The following EXOC4 variants were observed in gnomAD, a reference collection of about 807,000 sequenced individuals.
EXOC4 encodes exocyst complex component 4.
A neutral mutation model predicts 107.2 loss-of-function variants in EXOC4; 71 were observed. The observed-to-expected ratio is 0.66, with a 90% CI of 0.55 to 0.81. The LOEUF (loss-of-function observed/expected upper bound fraction) is 0.81. Ranked by LOEUF, EXOC4 falls within the 30% of genes least tolerant of loss-of-function variation. The pLI is 0.00. For missense variants in EXOC4, 1,108 were observed against 1,189.6 expected (o/e 0.93, Z 1.01); for synonymous variants, 456 against 441.2 (o/e 1.03, Z -0.42).
intron 10 of EXOC4, among the ~76,000 whole-genome samples, chr7:133,650,928 G>C (rs533934920): frequency 9.8e-4 from 116 of 118,540 alleles, no homozygotes; most frequent in African/African-American, 3.5e-3. Context: ...TACATACTGA[G>C]ATTGGTCAGT....
chr7:133,384,823 T>G (rs1796693060), intron 7 of EXOC4, among the ~76,000 whole-genome samples: 1 of 152,040 alleles, frequency 6.6e-6, no homozygotes, highest in Admixed American at 6.6e-5. Context: ...TTTTTTTTTT[T>G]TCTGTATGCC....
intron 10 of EXOC4, among the ~76,000 whole-genome samples, chr7:133,670,300 G>C (rs1046441131): frequency 6.6e-6 from 1 of 152,200 alleles, no homozygotes; most frequent in Non-Finnish European, 1.5e-5. Flanking sequence ...TTCCTCACTT[G>C]TACGATGGAG....
At chr7:133,337,982 C>T (rs1170287684) in intron 5 of EXOC4, among the ~76,000 whole-genome samples, 2 of 149,194 alleles carry the variant, frequency 1.3e-5, no homozygotes, top group Non-Finnish European at 3.0e-5. Context: ...AAGTAGCTAG[C>T]AGTTTGTCTA....
rs140695312 is a variant in EXOC4 at position 134,014,831 on chromosome 7, A to T, written c.2687+6996A>T. On this transcript the variant is annotated intron_variant, in intron 17 of 17. Coordinates refer to ENST00000253861, the MANE Select transcript of EXOC4 (RefSeq NM_021807.4). Reference sequence around the variant, plus strand: ...AGAGGTTGAGTTTTAAGACTTGAAAAATTAAATCATTCATCATAGGAAATG... The same window carrying T: ...AGAGGTTGAGTTTTAAGACTTGAAATATTAAATCATTCATCATAGGAAATG... 4.0e-3 allele frequency among the ~76,000 whole-genome samples: 605 copies of T among 152,310 alleles called. 5 individuals are homozygous for T. Among genetic ancestry groups the T allele is most frequent in the African/African-American group, 0.014 (573 of 41,576 alleles).
intron 6 of EXOC4, among the ~76,000 whole-genome samples, chr7:133,361,519 A>T (rs893664037): frequency 6.6e-6 from 1 of 152,126 alleles, no homozygotes; most frequent in Non-Finnish European, 1.5e-5. Context: ...TGACCTTGTG[A>T]TCTGCCTGCC....
At chr7:133,836,094 G>T (rs951050650) in intron 11 of EXOC4, among the ~76,000 whole-genome samples, 5 of 152,136 alleles carry the variant, frequency 3.3e-5, no homozygotes, top group Non-Finnish European at 7.3e-5. Flanking sequence ...TTACTTACAT[G>T]ATGGAAATAT....
At chr7:133,939,750 G>T (rs1375198941) in intron 14 of EXOC4, among the ~76,000 whole-genome samples, 1 of 152,124 alleles carries the variant, frequency 6.6e-6, no homozygotes, top group African/African-American at 2.4e-5. Context: ...ACCAATTAAG[G>T]ATAGTTTGGG....
At chr7:133,464,811 G>GTTTGTTT (rs1798683363) in intron 7 of EXOC4, among the ~76,000 whole-genome samples, 1 of 51,298 alleles carries the variant, frequency 1.9e-5, no homozygotes, top group Non-Finnish European at 3.3e-5. Context: ...GGTTGGGTTG[G>GTTTGTTT]TTTTTTTTTT....
At position 133,317,389 on chromosome 7, in the gene EXOC4, TG is replaced by T; in HGVS notation, c.763+1del. 6.3e-7 allele frequency: 1 copy of T among 1,581,666 alleles called. No individual in the cohort carries two copies. The highest frequency in any genetic ancestry group is 8.7e-7 in the Non-Finnish European group (1 of 1,150,636). On this transcript the variant is annotated frameshift_variant and splice_region_variant, in exon 5 of 18. Coordinates refer to ENST00000253861, the MANE Select transcript of EXOC4 (RefSeq NM_021807.4). LOFTEE classifies it high-confidence loss of function. ...SHYSTAGSSS[V>X]REINLQDIKE... is the part of the protein sequence containing the mutation. ...ACTATTCTACTGCTGGAAGCTCAAG[TG>T]GTAAGTATTTAATTCTTCAGCCACT...
intron 1 of EXOC4, among the ~76,000 whole-genome samples, chr7:133,258,321 G>C (rs1212428045): frequency 2.0e-5 from 3 of 152,090 alleles, no homozygotes; most frequent in Non-Finnish European, 4.4e-5. Context: ...TTTGAGGCCT[G>C]TAGTATTGAT....
intron 7 of EXOC4, among the ~76,000 whole-genome samples, chr7:133,391,831 T>G (rs1316090359): frequency 1.3e-5 from 2 of 152,180 alleles, no homozygotes; most frequent in South Asian, 4.1e-4. Context: ...ACATTGGCAG[T>G]GCTTGCTATA....
rs1158595483 is a variant in EXOC4 at position 133,917,616 on chromosome 7, C to G, written c.1905C>G (p.Ile635Met). The G allele has an allele frequency of 3.1e-6, 5 of 1,613,900 alleles. No individual in the cohort carries two copies. The highest frequency in any genetic ancestry group is 4.2e-6 in the Non-Finnish European group (5 of 1,179,974). ...GIVQSEEKLVISASWAKDDDI... is the reference protein window; with the variant it reads ...GIVQSEEKLVMSASWAKDDDI... ...TCCAGTCAGAAGAAAAACTTGTCAT[C>G]AGTGCATCCTGGGCAAAAGATGATG... Residue 635 changes from isoleucine to methionine, a missense_variant, in exon 13 of 18, where the codon ATC becomes ATG. Coordinates refer to ENST00000253861, the MANE Select transcript of EXOC4 (RefSeq NM_021807.4).
chr7:133,354,256 G>C (rs745688554), intron 5 of EXOC4, among the ~76,000 whole-genome samples: 3 of 151,910 alleles, frequency 2.0e-5, no homozygotes, highest in Admixed American at 6.6e-5. Context: ...TAATGATGTG[G>C]TGACTCCAGA....
At chr7:134,057,892 C>T (rs1293266747) in intron 17 of EXOC4, among the ~76,000 whole-genome samples, 2 of 152,132 alleles carry the variant, frequency 1.3e-5, no homozygotes, top group Non-Finnish European at 2.9e-5. Flanking sequence ...GGTATTTGCC[C>T]AAGGTCACAT....
intron 13 of EXOC4, among the ~76,000 whole-genome samples, chr7:133,921,800 CCTT>C (rs1253830001): frequency 6.6e-6 from 1 of 152,042 alleles, no homozygotes; most frequent in Non-Finnish European, 1.5e-5. Context: ...TCTTTCTTCT[CCTT>C]CTGATATTCC....
intron 12 of EXOC4, among the ~76,000 whole-genome samples, chr7:133,897,498 C>A (rs1799347160): frequency 6.6e-6 from 1 of 151,620 alleles, no homozygotes; most frequent in Admixed American, 6.6e-5. Flanking sequence ...TTGTAAAAAG[C>A]TACAATGGAA....
At chr7:133,529,942 T>C (rs552887605) in intron 9 of EXOC4, among the ~76,000 whole-genome samples, 2 of 152,282 alleles carry the variant, frequency 1.3e-5, no homozygotes, top group South Asian at 2.1e-4. Flanking sequence ...TCTCCACTAA[T>C]GTATATTGGG....
In EXOC4 at chr7:134,001,608, C is replaced by G. The variant is rs571330878; in HGVS notation, c.2349-3304C>G. Among the ~76,000 whole-genome samples the G allele has an allele frequency of 3.3e-5, 5 of 152,278 alleles. No homozygotes were observed. In the East Asian group the frequency reaches 9.7e-4, roughly 29 times the overall value. ...CATAAGAATTTCCTAACTAGTCACTCTACTTCCAGTTGCTTCCATTCTCTG... is the reference window on the plus strand; with the variant it reads ...CATAAGAATTTCCTAACTAGTCACTGTACTTCCAGTTGCTTCCATTCTCTG... On this transcript the variant is annotated intron_variant, in intron 15 of 17. Transcript: ENST00000253861.
intron 10 of EXOC4, among the ~76,000 whole-genome samples, chr7:133,761,887 G>A (rs1478879314): frequency 4.6e-5 from 7 of 152,190 alleles, no homozygotes; most frequent in African/African-American, 1.7e-4. Context: ...TGCCAGTGAA[G>A]TGGTGCTTCT....
Sources: allele counts gnomAD v4.1 joint callset (sites outside exome capture counted in the v4.1 genomes callset), GRCh38; gene constraint gnomAD v4.1.1; transcripts MANE v1.5; gene names NCBI Gene and HGNC (gene_info 2026-07-23, HGNC 2026-07-21).